Variants in GRK2 observed in about 807,000 individuals in gnomAD.
GRK2 encodes the protein G protein-coupled receptor kinase 2, also known as adrenergic beta receptor kinase 1.
In GRK2, 23 loss-of-function variants were observed where a neutral mutation model predicts 97.8. The observed-to-expected ratio is 0.24, with a 90% CI of 0.17 to 0.33. The LOEUF (loss-of-function observed/expected upper bound fraction) is 0.33, where lower values mean the gene tolerates loss of function less well. Among genes scored for constraint, GRK2 ranks in the 10% least tolerant of loss-of-function variants. The pLI, the probability that GRK2 is intolerant of heterozygous loss-of-function variation, is 1.00. For synonymous variants in GRK2, 425 were observed against 381.7 expected (o/e 1.11, Z -1.32); for missense variants, 633 against 956.9 (o/e 0.66, Z 4.47).
chr11:67,284,055 C>A, intron 17 of GRK2, 106 bp downstream of exon 17: 1 of 1,410,006 alleles, frequency 7.1e-7, no homozygotes, highest in South Asian at 1.3e-5. Context: ...GCCCTGCCAG[C>A]TTGTAGGCCT....
At position 67,277,395 on chromosome 11, in the gene GRK2, C is replaced by T. The variant is rs61762551; in HGVS notation, c.190+47C>T. On this transcript the variant is annotated intron_variant, in intron 2 of 20. Transcript: ENST00000308595. ...CCAGCCACCGGACTTAACTTCTTGCCCCTACCCCAGCCAGCCCAGCTGTGC... is the reference window on the plus strand; with the variant it reads ...CCAGCCACCGGACTTAACTTCTTGCTCCTACCCCAGCCAGCCCAGCTGTGC... The T allele has an allele frequency of 2.2e-3, 3,472 of 1,560,706 alleles. 2 individuals carry two copies. The highest frequency in any genetic ancestry group is 2.8e-3 in the Non-Finnish European group (3,207 of 1,133,350).
rs767696844 is a variant in GRK2, at chr11:67,282,427, T to C, written c.1053-8T>C. On this transcript the variant is annotated splice_polypyrimidine_tract_variant and splice_region_variant and intron_variant, in intron 12 of 20. Coordinates refer to ENST00000308595, the MANE Select transcript of GRK2 (RefSeq NM_001619.5). This position sits in a 1 kb window ranked among gnomAD's most constrained non-coding sequence, Gnocchi z 6.9. Reference sequence around the variant, plus strand: ...CCACTCCCGCTTATGGCCCCCTTGCTCCCACAGGGGCACCCACGGGTACAT... The same window carrying C: ...CCACTCCCGCTTATGGCCCCCTTGCCCCCACAGGGGCACCCACGGGTACAT... 14 of 1,608,284 alleles carry C rather than the reference T, an allele frequency of 8.7e-6. No individual in the cohort carries two copies. In the African/African-American group the frequency reaches 1.7e-4, roughly 20 times the overall value.
In GRK2 at chr11:67,268,270, A is replaced by G. The variant is rs1859839265; in HGVS notation, c.113+1458A>G. Among the ~76,000 whole-genome samples, 4 of 152,190 alleles carry G rather than the reference A, an allele frequency of 2.6e-5. No individual in the cohort carries two copies. The South Asian group carries it at 6.2e-4, about 24-fold the overall frequency. On this transcript the variant is annotated intron_variant, in intron 1 of 20. Transcript: ENST00000308595. ...ATGGCCCTCACCGCCCCCCTGTGCC[A>G]TGCCCTGCTCACTGGGTGTTTGGAT...
rs376157306 is a variant in GRK2, at chr11:67,282,315, G to A, written c.1002G>A (p.Ser334=). 1.6e-5 allele frequency: 26 copies of A among 1,613,378 alleles called. No individual in the cohort carries two copies. The Admixed American group carries it at 1.7e-4, about 10-fold the overall frequency. The change falls in exon 12 of 21, where the codon TCG becomes TCA. Residue 334 remains serine (S), a synonymous_variant. Coordinates refer to ENST00000308595, the MANE Select transcript of GRK2 (RefSeq NM_001619.5). This position sits in a 1 kb window ranked among gnomAD's most constrained non-coding sequence, Gnocchi z 6.9. ...ACGAGCATGGCCACGTGCGGATCTC[G>A]GACCTGGGCCTGGCCTGTGACTTCT... The part of the protein sequence containing the change: ...LLDEHGHVRI[S]DLGLACDFSK...
chr11:67,279,393 G>T, intron 3 of GRK2, 25 bp from the exon 4 acceptor site: 1 of 1,612,496 alleles, frequency 6.2e-7, no homozygotes, highest in East Asian at 2.2e-5. Context: ...GGCTCTAGAT[G>T]ACCTGCAGGA....
At position 67,286,504 on chromosome 11, in the gene GRK2, A is replaced by AT. The variant is rs1364398256; in HGVS notation, c.*1058dup. 2.9e-6 allele frequency: 2 copies of AT among 700,886 alleles called. No homozygotes were observed. Among genetic ancestry groups the AT allele is most frequent in the Non-Finnish European group, 5.2e-6 (2 of 383,742 alleles). 43.4% of individuals were successfully genotyped at this position (700,886 alleles called of 1,614,324 possible). ...GTTTCTTTGCCGATTTTTGAATGTGATTTTAAAGAGTGAAAAATGAGACTA... is the reference window on the plus strand; with the variant it reads ...GTTTCTTTGCCGATTTTTGAATGTGATTTTTAAAGAGTGAAAAATGAGACTA... On this transcript the variant is annotated 3_prime_UTR_variant, in exon 21 of 21. Coordinates refer to ENST00000308595, the MANE Select transcript of GRK2 (RefSeq NM_001619.5).
At position 67,266,746 on chromosome 11, in the gene GRK2, C is replaced by T; in HGVS notation, c.47C>T (p.Ala16Val). ...AVLADVSYLM[A>V]MEKSKATPAA... is the part of the protein sequence containing the mutation. ...CTGGCCGACGTGAGCTACCTGATGG[C>T]CATGGAGAAGAGCAAGGCCACGCCG... Residue 16 changes from alanine to valine, a missense_variant, in exon 1 of 21, where the codon GCC becomes GTC. Physicochemically the swap from Ala to Val is moderately conservative, Grantham distance 64. Coordinates refer to ENST00000308595, the MANE Select transcript of GRK2 (RefSeq NM_001619.5). 1.5e-6 allele frequency: 2 copies of T among 1,377,500 alleles called. No individual in the cohort carries two copies. The highest frequency in any genetic ancestry group is 1.9e-6 in the Non-Finnish European group (2 of 1,052,762). The allele number at this position is 1,377,500 out of a possible 1,614,324, so 85.3% of individuals were successfully genotyped here.
In GRK2 at chr11:67,280,837, C is replaced by T. The variant is rs61763963; in HGVS notation, c.555+54C>T. On this transcript the variant is annotated intron_variant, in intron 7 of 20. Transcript: ENST00000308595. ...GCCACGCACCCTGCTGCTCCTCTCCCGGGAGCTGGGCCTGTGGCTTGGCTG... is the reference window on the plus strand; with the variant it reads ...GCCACGCACCCTGCTGCTCCTCTCCTGGGAGCTGGGCCTGTGGCTTGGCTG... 3,648 of 1,589,906 alleles carry T rather than the reference C, an allele frequency of 2.3e-3. 2 individuals are homozygous for T. Among genetic ancestry groups the T allele is most frequent in the Non-Finnish European group, 2.9e-3 (3,333 of 1,159,074 alleles).
At chr11:67,285,031 G>C (rs753941222) in intron 19 of GRK2, 44 bp from the exon 20 acceptor site, 16 of 1,611,986 alleles carry the variant, frequency 9.9e-6, no homozygotes, top group Non-Finnish European at 1.4e-5. Flanking sequence ...CGGGTGGCTG[G>C]CCGGCCCGGC....
chr11:67,281,006 TG>T lies in GRK2; in HGVS notation c.556-83del. On this transcript the variant is annotated intron_variant, in intron 7 of 20. Coordinates refer to ENST00000308595, the MANE Select transcript of GRK2 (RefSeq NM_001619.5). This position sits in a 1 kb window ranked among gnomAD's most constrained non-coding sequence, Gnocchi z 5.7. Reference sequence around the variant, plus strand: ...GGACATGGGTATGGGGACCCTGGCATGGGGCCAGCCCCTGCTGCCCAGGTGC... The same window carrying T: ...GGACATGGGTATGGGGACCCTGGCATGGGCCAGCCCCTGCTGCCCAGGTGC... 7.9e-7 allele frequency: 1 copy of T among 1,272,672 alleles called. No homozygotes were observed. Among genetic ancestry groups the T allele is most frequent in the Non-Finnish European group, 1.1e-6 (1 of 900,730 alleles). 78.8% of individuals were successfully genotyped at this position (1,272,672 alleles called of 1,614,324 possible).
chr11:67,282,381 C>CCT lies in GRK2; in HGVS notation c.1052+20_1052+21dup, dbSNP rs1163056949. 1 of 1,612,202 alleles carries CCT rather than the reference C, an allele frequency of 6.2e-7. No individual in the cohort carries two copies. Among genetic ancestry groups the CCT allele is most frequent in the South Asian group, 1.1e-5 (1 of 91,052 alleles). ...ATGCCAGCGTGTGAGTGCCCCCCAC[C>CCT]CTCTCCCTCCCCACCCCTTGCCACT... On this transcript the variant is annotated intron_variant, in intron 12 of 20. Transcript: ENST00000308595. The surrounding 1 kb of genome is among the most constrained non-coding windows in gnomAD (Gnocchi z 6.9).
In GRK2 at chr11:67,286,406, G is replaced by A; in HGVS notation, c.*956G>A. 1.4e-6 allele frequency: 1 copy of A among 700,806 alleles called. No individual in the cohort carries two copies. The highest frequency in any genetic ancestry group is 2.6e-6 in the Non-Finnish European group (1 of 383,990). 43.4% of individuals were successfully genotyped at this position (700,806 alleles called of 1,614,324 possible). A position where few individuals can be genotyped will look rare whatever the true frequency, so the allele number is the denominator to read the frequency against. The stretch of plus-strand genomic sequence containing the variant: ...CCCTCGTGCCAGTCGCGCTGCCTGT[G>A]TGGTGTCGCGCCTTCTCCCCCCCGG... On this transcript the variant is annotated 3_prime_UTR_variant, in exon 21 of 21. Transcript: ENST00000308595.
chr11:67,279,492 C>G lies in GRK2; in HGVS notation c.339C>G (p.Ile113Met), dbSNP rs368707177. 1 of 1,613,208 alleles carries G rather than the reference C, an allele frequency of 6.2e-7. No individual in the cohort carries two copies. Among genetic ancestry groups the G allele is most frequent in the African/African-American group, 1.3e-5 (1 of 74,942 alleles). The part of the protein sequence containing the change: ...ARSREIFDSY[I>M]MKELLACSHP... ...GCCGGGAGATCTTCGACTCATACATCATGAAGGAGCTGCTGGCCTGCTCGC... is the reference window on the plus strand; with the variant it reads ...GCCGGGAGATCTTCGACTCATACATGATGAAGGAGCTGCTGGCCTGCTCGC... The change falls in exon 4 of 21, where the codon ATC (isoleucine) becomes ATG (methionine). Residue 113 changes from isoleucine (I) to methionine (M), a missense_variant. Around this residue, in one of 4 missense-constraint regions of GRK2, gnomAD observed 193 missense variants for 212.2 expected, o/e 0.91. Transcript: ENST00000308595.
Position 67,282,201 on chromosome 11 carries a change from C to T in GRK2, c.958-70C>T. ...CGTCCTCTCCAGTGAAGCAGTGACC[C>T]AGCTGGCATCTTGCCTGGCTGGGCC... On this transcript the variant is annotated intron_variant, in intron 11 of 20. Transcript: ENST00000308595. This position sits in a 1 kb window ranked among gnomAD's most constrained non-coding sequence, Gnocchi z 6.9. 2 of 1,472,464 alleles carry T rather than the reference C, an allele frequency of 1.4e-6. No individual in the cohort carries two copies. The highest frequency in any genetic ancestry group is 1.8e-5 in the Admixed American group (1 of 56,300). 91.2% of individuals were successfully genotyped at this position (1,472,464 alleles called of 1,614,324 possible).
chr11:67,284,185 G>A, intron 17 of GRK2, 26 bp from the exon 18 acceptor site: 1 of 1,612,862 alleles, frequency 6.2e-7, no homozygotes, highest in Non-Finnish European at 8.5e-7. Context: ...CCACCCATGT[G>A]CCCCTGCCCC....
intron 1 of GRK2, 64 bp downstream of exon 1, chr11:67,266,876 C>A: frequency 1.2e-6 from 1 of 816,454 alleles, no homozygotes; most frequent in South Asian, 5.5e-5. Flanking sequence ...GGCCCCGAGA[C>A]CCTGGCCCCA....
Position 67,278,474 on chromosome 11 carries a change from G to A in GRK2, c.191-726G>A, listed in dbSNP as rs117417576. Among the ~76,000 whole-genome samples the A allele has an allele frequency of 6.4e-3, 968 of 152,254 alleles. 11 individuals carry two copies. Among genetic ancestry groups the A allele is most frequent in the East Asian group, 0.051 (266 of 5,186 alleles). The stretch of plus-strand genomic sequence containing the variant: ...CTCCAGTTCCCTGTGGCTTACACCC[G>A]TTCCATGCCCCCTGCCCTGAGGCCC... On this transcript the variant is annotated intron_variant, in intron 2 of 20. Transcript: ENST00000308595.
In GRK2 at chr11:67,286,435, T is replaced by C. The variant is rs1167352155; in HGVS notation, c.*985T>C. ...TGTCGCGCCTTCTCCCCCCCGGGGCTGGGTTGGCGCACCCTCCCCTCCCGT... is the reference window on the plus strand; with the variant it reads ...TGTCGCGCCTTCTCCCCCCCGGGGCCGGGTTGGCGCACCCTCCCCTCCCGT... On this transcript the variant is annotated 3_prime_UTR_variant, in exon 21 of 21. Transcript: ENST00000308595. 1.4e-6 allele frequency: 1 copy of C among 699,754 alleles called. No individual in the cohort carries two copies. The highest frequency in any genetic ancestry group is 1.5e-5 in the South Asian group (1 of 67,374). The allele number at this position is 699,754 out of a possible 1,614,324, so 43.3% of individuals were successfully genotyped here.
At position 67,283,710 on chromosome 11, in the gene GRK2, T is replaced by C. The variant is rs1860204546; in HGVS notation, c.1332T>C (p.Ala444=). ...GATGACTGGCCTCTCCCCACAGGGC[T>C]CAGGAGGTGAAAGAGAGCCCCTTTT... ...NRRLGCLGRG[A]QEVKESPFFR... Residue 444 remains alanine, a synonymous_variant, in exon 16 of 21, where the codon GCT becomes GCC. Coordinates refer to ENST00000308595, the MANE Select transcript of GRK2 (RefSeq NM_001619.5). 3.1e-6 allele frequency: 5 copies of C among 1,613,306 alleles called. No homozygotes were observed. The highest frequency in any genetic ancestry group is 4.2e-6 in the Non-Finnish European group (5 of 1,179,966).
Sources: gnomAD v4.1 joint callset for allele counts (sites outside exome capture counted in the v4.1 genomes callset) on GRCh38, gnomAD v4.1.1 for gene constraint, gnomAD v4.1.1 regional missense constraint, Gnocchi (gnomAD v3.1) non-coding constraint, MANE v1.5 for transcripts, NCBI Gene and HGNC (gene_info 2026-07-23, HGNC 2026-07-21) for gene names.